Variants in DAAM2 observed in about 807,000 individuals in gnomAD.
DAAM2 encodes disheveled-associated activator of morphogenesis 2.
In DAAM2, 39 loss-of-function variants were observed where a neutral mutation model predicts 120.7. That is an observed-to-expected ratio of 0.32 (90% confidence interval 0.25 to 0.42). The LOEUF is 0.42. Ranked by LOEUF, DAAM2 falls within the 10% of genes least tolerant of loss-of-function variation. DAAM2 has a pLI of 1.00. For synonymous variants in DAAM2, 488 were observed against 524.9 expected (o/e 0.93, Z 0.96); for missense variants, 1,283 against 1,401.7 (o/e 0.92, Z 1.35).
chr6:39,857,040 C>T (rs553170766), intron 2 of DAAM2, among the ~76,000 whole-genome samples: 58 of 152,334 alleles, frequency 3.8e-4, no homozygotes, highest in African/African-American at 1.3e-3. Flanking sequence ...CTGCCATTCA[C>T]ACCCGGACCA....
chr6:39,897,668 C>T (rs1766194476), intron 21 of DAAM2, among the ~76,000 whole-genome samples: 1 of 152,164 alleles, frequency 6.6e-6, no homozygotes, highest in African/African-American at 2.4e-5. Flanking sequence ...TCTGGGTGCA[C>T]ATGTGTAGTA....
chr6:39,845,150 A>G (rs1763515961), intron 1 of DAAM2, among the ~76,000 whole-genome samples: 1 of 149,238 alleles, frequency 6.7e-6, no homozygotes, highest in Non-Finnish European at 1.5e-5. Flanking sequence ...CATTACACAC[A>G]TATACACCAC....
At chr6:39,842,732 A>C (rs552092309) in intron 1 of DAAM2, among the ~76,000 whole-genome samples, 1 of 152,312 alleles carries the variant, frequency 6.6e-6, no homozygotes, top group Non-Finnish European at 1.5e-5. Flanking sequence ...CAGCAGACAA[A>C]AAGTGCTTTG....
chr6:39,802,004 C>T (rs1203035204), intron 1 of DAAM2, among the ~76,000 whole-genome samples: 1 of 152,214 alleles, frequency 6.6e-6, no homozygotes, highest in Non-Finnish European at 1.5e-5. Context: ...CTTTGGGCTG[C>T]AGAAGGATCA....
chr6:39,793,692 A>G (rs896851745), intron 1 of DAAM2, among the ~76,000 whole-genome samples: 3 of 152,138 alleles, frequency 2.0e-5, no homozygotes, highest in African/African-American at 4.8e-5. Context: ...GATTTTCCCT[A>G]GGGCCTAGGG....
intron 1 of DAAM2, among the ~76,000 whole-genome samples, chr6:39,827,175 C>T (rs1210955371): frequency 6.6e-6 from 1 of 152,158 alleles, no homozygotes; most frequent in Non-Finnish European, 1.5e-5. Flanking sequence ...GAGTTCTGTG[C>T]TGTGAATTCG....
At position 39,856,357 on chromosome 6, in the gene DAAM2, G is replaced by C. The variant is rs1400765186; in HGVS notation, c.55G>C (p.Gly19Arg). The stretch of plus-strand genomic sequence containing the variant: ...CCTGGGCTTCCTGTGCTGCTTCGGG[G>C]GCAGTGACATCCCCGAAATCAACCT... ...HGLGFLCCFG[G>R]SDIPEINLRD... Residue 19 changes from glycine to arginine, a missense_variant, in exon 2 of 25, where the codon GGC becomes CGC. Gly to Arg is a moderately radical substitution (Grantham distance 125). Transcript: ENST00000274867. 1 of 1,554,190 alleles carries C rather than the reference G, an allele frequency of 6.4e-7. No individual in the cohort carries two copies.
At chr6:39,824,677 C>A (rs1190323530) in intron 1 of DAAM2, among the ~76,000 whole-genome samples, 2 of 152,112 alleles carry the variant, frequency 1.3e-5, no homozygotes, top group Non-Finnish European at 2.9e-5. Flanking sequence ...CCAGCTCCTG[C>A]AGGCAGGACA....
intron 14 of DAAM2, among the ~76,000 whole-genome samples, chr6:39,880,919 A>T (rs980705390): frequency 6.6e-6 from 1 of 152,250 alleles, no homozygotes; most frequent in African/African-American, 2.4e-5. Context: ...CAAACTGCAC[A>T]TGAGTAGGCC....
intron 1 of DAAM2, among the ~76,000 whole-genome samples, chr6:39,837,587 C>T (rs781329980): frequency 3.9e-4 from 54 of 137,792 alleles, no homozygotes; most frequent in Admixed American, 1.1e-3. Context: ...GGCTTGAACC[C>T]GGGAGGCAGA....
In DAAM2 at chr6:39,878,285, C is replaced by A. The variant is rs547062634; in HGVS notation, c.1360+24C>A. 1 of 1,613,418 alleles carries A rather than the reference C, an allele frequency of 6.2e-7. No individual in the cohort carries two copies. The highest frequency in any genetic ancestry group is 1.3e-5 in the African/African-American group (1 of 74,926). On this transcript the variant is annotated intron_variant, in intron 12 of 24. Coordinates refer to ENST00000274867, the MANE Select transcript of DAAM2 (RefSeq NM_001201427.2). The surrounding 1 kb of genome is among the most constrained non-coding windows in gnomAD (Gnocchi z 5.0). ...AGGTGAGGGGCTCTGCTTAAGCCTG[C>A]TGTCCACTCCACATGCCCTTCCCCT... is the stretch of plus-strand genomic sequence containing the variant.
intron 1 of DAAM2, among the ~76,000 whole-genome samples, chr6:39,835,802 G>A (rs893532125): frequency 6.6e-6 from 1 of 152,184 alleles, no homozygotes; most frequent in Non-Finnish European, 1.5e-5. Flanking sequence ...TAATGAGATG[G>A]CCAGGCTGAT....
intron 1 of DAAM2, among the ~76,000 whole-genome samples, chr6:39,816,788 A>G (rs1463102807): frequency 6.6e-6 from 1 of 152,226 alleles, no homozygotes; most frequent in Non-Finnish European, 1.5e-5. Context: ...AAGGCTCCAC[A>G]CTTAACCCAT....
intron 1 of DAAM2, among the ~76,000 whole-genome samples, chr6:39,845,604 G>A (rs528600621): frequency 1.3e-4 from 20 of 151,606 alleles, no homozygotes; most frequent in Admixed American, 6.6e-4. Context: ...ACTCCCCACC[G>A]CTTCACCCAG....
chr6:39,828,474 T>C (rs1337474043), intron 1 of DAAM2, among the ~76,000 whole-genome samples: 2 of 152,184 alleles, frequency 1.3e-5, no homozygotes, highest in Non-Finnish European at 2.9e-5. Context: ...TGTGTTCCTT[T>C]CCTTCCTCTG....
chr6:39,900,581 C>G (rs1423698764), intron 23 of DAAM2, among the ~76,000 whole-genome samples: 1 of 152,226 alleles, frequency 6.6e-6, no homozygotes, highest in African/African-American at 2.4e-5. Flanking sequence ...CACAGCTCAG[C>G]AGTGGACATG....
At chr6:39,856,168 G>T in intron 1 of DAAM2, 79 bp from the exon 2 acceptor site, 1 of 1,292,006 alleles carries the variant, frequency 7.7e-7, no homozygotes, top group African/African-American at 1.5e-5. Flanking sequence ...TGGGACAGAG[G>T]TTATGAAGGC....
chr6:39,896,385 G>A (rs1766091623), intron 19 of DAAM2, among the ~76,000 whole-genome samples: 1 of 151,960 alleles, frequency 6.6e-6, no homozygotes, highest in African/African-American at 2.4e-5. Flanking sequence ...TGTATTTTTA[G>A]TAGAGACAGG....
chr6:39,881,527 G>A (rs1346755083), intron 14 of DAAM2, among the ~76,000 whole-genome samples: 1 of 151,858 alleles, frequency 6.6e-6, no homozygotes, highest in Non-Finnish European at 1.5e-5. Flanking sequence ...GACCAGCCTG[G>A]CCAACATGGT....
Sources: gnomAD v4.1 joint callset for allele counts (sites outside exome capture counted in the v4.1 genomes callset) on GRCh38, gnomAD v4.1.1 for gene constraint, Gnocchi (gnomAD v3.1) non-coding constraint, MANE v1.5 for transcripts, NCBI Gene and HGNC (gene_info 2026-07-23, HGNC 2026-07-21) for gene names.